The following PLIN5 variants were observed in gnomAD, a reference collection of about 807,000 sequenced individuals.
The protein encoded by PLIN5 is perilipin 5.
In PLIN5, 34 loss-of-function variants were observed where a neutral mutation model predicts 32.8. The observed-to-expected ratio is 1.04, with a 90% CI of 0.79 to 1.38. The LOEUF (loss-of-function observed/expected upper bound fraction) is 1.38. Among genes scored for constraint, PLIN5 ranks in the 40% most tolerant of loss-of-function variants. The probability of loss-of-function intolerance (pLI) is 0.00; values close to 1 mark genes in which losing one functional copy is unlikely to be tolerated. For missense variants in PLIN5, 712 were observed against 660.5 expected (o/e 1.08, Z -0.85); for synonymous variants, 309 against 292.9 (o/e 1.05, Z -0.56).
chr19:4,523,627 A>G lies in PLIN5; in HGVS notation c.1293T>C (p.Asp431=), dbSNP rs1335642061. Residue 431 remains aspartate, a synonymous_variant, in exon 8 of 8, where the codon GAT becomes GAC. Coordinates refer to ENST00000381848, the MANE Select transcript of PLIN5 (RefSeq NM_001013706.3). The surrounding 1 kb of genome is among the most constrained non-coding windows in gnomAD (Gnocchi z 5.0). ...AEHRDGSGNG[D]GDRMGVAGDI... ...CCCCGGCAACACCCATCCTGTCCCC[A>G]TCCCCATTCCCACTCCCGTCCCTGT... The G allele has an allele frequency of 2.5e-6, 4 of 1,611,254 alleles. No individual in the cohort carries two copies. In the African/African-American group the frequency reaches 4.0e-5, roughly 16 times the overall value.
At chr19:4,534,498 A>C (rs1976924136) in intron 1 of PLIN5, among the ~76,000 whole-genome samples, 1 of 152,184 alleles carries the variant, frequency 6.6e-6, no homozygotes, top group East Asian at 1.9e-4. Flanking sequence ...TCAGCCTCCC[A>C]GTTAGCTGGG....
chr19:4,526,967 C>T (rs185431474), intron 5 of PLIN5, among the ~76,000 whole-genome samples: 9 of 152,154 alleles, frequency 5.9e-5, no homozygotes, highest in Non-Finnish European at 8.8e-5. Flanking sequence ...CCAGGCACAG[C>T]GGCTCACGCC....
chr19:4,523,869 C>T lies in PLIN5; in HGVS notation c.1051G>A (p.Val351Met), dbSNP rs762489897. 1.0e-4 allele frequency: 160 copies of T among 1,528,694 alleles called. No individual in the cohort carries two copies. Among genetic ancestry groups the T allele is most frequent in the Admixed American group, 2.1e-4 (10 of 47,940 alleles). The allele number at this position is 1,528,694 out of a possible 1,614,324, so 94.7% of individuals were successfully genotyped here. The change falls in exon 8 of 8, where the codon GTG becomes ATG. Residue 351 changes from valine (V) to methionine (M), a missense_variant. Physicochemically the swap from Val to Met is conservative, Grantham distance 21 (BLOSUM62 1). Transcript: ENST00000381848. The surrounding 1 kb of genome is among the most constrained non-coding windows in gnomAD (Gnocchi z 5.0). The stretch of plus-strand genomic sequence containing the variant: ...TCCACGCAGGCGTGCGCGTGGGCCA[C>T]GCGACCCCGGCCCTCGGCCAGCGCG... The part of the protein sequence containing the change: ...AAALAEGRGR[V>M]AHAHACVDEL...
At chr19:4,527,856 G>T (rs1417925094) in intron 5 of PLIN5, among the ~76,000 whole-genome samples, 1 of 147,852 alleles carries the variant, frequency 6.8e-6, no homozygotes, top group East Asian at 2.0e-4. Context: ...CAAAAAAAAA[G>T]AAAAAAAAAT....
Position 4,529,205 on chromosome 19 carries a change from C to A in PLIN5, c.388G>T (p.Val130Leu). 1 of 1,612,324 alleles carries A rather than the reference C, an allele frequency of 6.2e-7. No individual in the cohort carries two copies. The highest frequency in any genetic ancestry group is 1.1e-5 in the South Asian group (1 of 90,886). The change falls in exon 5 of 8, where the codon GTG (valine) becomes TTG (leucine). Residue 130 changes from valine (V) to leucine (L), a missense_variant. Physicochemically the swap from Val to Leu is conservative, Grantham distance 32. Coordinates refer to ENST00000381848, the MANE Select transcript of PLIN5 (RefSeq NM_001013706.3). ...CGCCGGCCCCTCCGGGCCAGGTCCA[C>A]CACACCCGTGACACTGCTGGCCACC... ...DVVASSVTGV[V>L]DLARRGRRWS...
chr19:4,529,727 C>T (rs761512979), intron 4 of PLIN5, 57 bp downstream of exon 4: 15 of 1,390,552 alleles, frequency 1.1e-5, no homozygotes, highest in Admixed American at 5.5e-5. Context: ...CCCTCCCTCC[C>T]GCCTCTAATC....
At chr19:4,533,504 A>T (rs777963411) in intron 2 of PLIN5, 90 of 177,970 alleles carry the variant, frequency 5.1e-4, no homozygotes, top group Admixed American at 8.1e-4. Context: ...CCTGGAGCAC[A>T]GTGGCCTCTG....
chr19:4,524,515 G>A (rs1476435092), intron 7 of PLIN5, among the ~76,000 whole-genome samples: 1 of 152,170 alleles, frequency 6.6e-6, no homozygotes, highest in Non-Finnish European at 1.5e-5. Flanking sequence ...TCGCGCCACT[G>A]CACTCCAGCC....
chr19:4,531,769 C>T lies in PLIN5; in HGVS notation c.114G>A (p.Ala38=), dbSNP rs756460745. 4.4e-6 allele frequency: 7 copies of T among 1,595,476 alleles called. No homozygotes were observed. The highest frequency in any genetic ancestry group is 1.9e-4 in the Middle Eastern group (1 of 5,268). ...ALPLVRATCT[A]VCDVYSAAKD... ...TGGCTGCACTGTAAACATCGCAGAC[C>T]GCGGTGCACGTGGCCCTGACCAGGG... Residue 38 remains alanine (A), a synonymous_variant, in exon 3 of 8, where the codon GCG becomes GCA. Transcript: ENST00000381848.
At chr19:4,527,764 G>T (rs1376169256) in intron 5 of PLIN5, among the ~76,000 whole-genome samples, 2 of 151,366 alleles carry the variant, frequency 1.3e-5, no homozygotes, top group Non-Finnish European at 2.9e-5. Flanking sequence ...AGAATCGCTT[G>T]AACACGGGAG....
intron 4 of PLIN5, chr19:4,529,475 CATAT>C (rs1263605960): frequency 3.5e-6 from 2 of 567,042 alleles, no homozygotes; most frequent in East Asian, 5.8e-5. Context: ...CATACATATA[CATAT>C]ATACACATAT....
At chr19:4,524,380 C>T (rs532400538) in intron 7 of PLIN5, among the ~76,000 whole-genome samples, 13 of 152,234 alleles carry the variant, frequency 8.5e-5, no homozygotes, top group African/African-American at 2.9e-4. Flanking sequence ...GGCGAAACCC[C>T]GTATCTACCA....
At chr19:4,529,034 G>A (rs992929722) in intron 5 of PLIN5, 39 bp downstream of exon 5, 1 of 1,594,296 alleles carries the variant, frequency 6.3e-7, no homozygotes, top group Non-Finnish European at 8.6e-7. Context: ...TGGGGACGGG[G>A]CAGGACTCAG....
chr19:4,531,912 G>A, intron 2 of PLIN5, 90 bp from the exon 3 acceptor site: 2 of 1,330,222 alleles, frequency 1.5e-6, no homozygotes, highest in East Asian at 2.6e-5. Flanking sequence ...GCCAGGACGA[G>A]GGATGGGAGA....
Position 4,529,204 on chromosome 19 carries a change from A to C in PLIN5, c.389T>G (p.Val130Gly). 3.1e-6 allele frequency: 5 copies of C among 1,612,230 alleles called. No individual in the cohort carries two copies. Among genetic ancestry groups the C allele is most frequent in the Non-Finnish European group, 4.2e-6 (5 of 1,179,512 alleles). The change falls in exon 5 of 8, where the codon GTG (valine) becomes GGG (glycine). Residue 130 changes from valine (V) to glycine (G), a missense_variant. Coordinates refer to ENST00000381848, the MANE Select transcript of PLIN5 (RefSeq NM_001013706.3). ...GCGCCGGCCCCTCCGGGCCAGGTCCACCACACCCGTGACACTGCTGGCCAC... is the reference window on the plus strand; with the variant it reads ...GCGCCGGCCCCTCCGGGCCAGGTCCCCCACACCCGTGACACTGCTGGCCAC... ...DVVASSVTGV[V>G]DLARRGRRWS...
At chr19:4,526,576 T>C (rs552751835) in intron 5 of PLIN5, among the ~76,000 whole-genome samples, 135 of 152,286 alleles carry the variant, frequency 8.9e-4, no homozygotes, top group Admixed American at 3.5e-3. Context: ...TGCAGCAGCA[T>C]GCACTTGTAA....
intron 5 of PLIN5, among the ~76,000 whole-genome samples, chr19:4,527,937 T>A (rs1217362371): frequency 6.9e-6 from 1 of 145,354 alleles, no homozygotes; most frequent in Non-Finnish European, 1.5e-5. Context: ...TGAGATAGAG[T>A]CTCGCTCTGT....
chr19:4,530,016 A>C, intron 3 of PLIN5, 150 bp from the exon 4 acceptor site: 3 of 463,302 alleles, frequency 6.5e-6, no homozygotes, highest in East Asian at 3.2e-5. Context: ...ACAAAACGGA[A>C]TGATGGAGAC....
intron 7 of PLIN5, 102 bp downstream of exon 7, chr19:4,524,861 G>A (rs1599760948): frequency 2.1e-6 from 2 of 960,484 alleles, no homozygotes; most frequent in Non-Finnish European, 2.9e-6. Flanking sequence ...AGCTTGAGTT[G>A]GGTCCCCGGC....
Sources: gnomAD v4.1 joint callset for allele counts (sites outside exome capture counted in the v4.1 genomes callset) on GRCh38, gnomAD v4.1.1 for gene constraint, Gnocchi (gnomAD v3.1) non-coding constraint, MANE v1.5 for transcripts, NCBI Gene and HGNC (gene_info 2026-07-23, HGNC 2026-07-21) for gene names.